Variants in DAPK1 observed in about 807,000 individuals in gnomAD.
DAPK1 encodes the protein death associated protein kinase 1, also known as death-associated protein kinase 1.
DAPK1 carries 56 observed loss-of-function variants against 144.9 expected under a neutral mutation model. The observed-to-expected ratio is 0.39, with a 90% CI of 0.31 to 0.48. The LOEUF (loss-of-function observed/expected upper bound fraction) is 0.48, where lower values mean the gene tolerates loss of function less well. DAPK1 is among the 20% of genes least tolerant of loss of function. The pLI, the probability that DAPK1 is intolerant of heterozygous loss-of-function variation, is 0.95. For synonymous variants in DAPK1, 690 were observed against 749.0 expected, an observed-to-expected ratio of 0.92 and a Z score of 1.29; for missense variants, 1,454 against 1,875.4, an observed-to-expected ratio of 0.78 and a Z score of 4.15.
intron 14 of DAPK1, chr9:87,648,432 C>G (rs1830338385): frequency 4.7e-6 from 1 of 211,756 alleles, no homozygotes; most frequent in Admixed American, 5.8e-5. Context: ...AATGATGAAC[C>G]CAATAGTAAA....
At chr9:87,636,727 G>A (rs142413088) in intron 3 of DAPK1, among the ~76,000 whole-genome samples, 19 of 152,274 alleles carry the variant, frequency 1.2e-4, no homozygotes, top group African/African-American at 4.6e-4. Flanking sequence ...TTTGGGGAGC[G>A]CTCTTGCCCT....
In DAPK1 at chr9:87,630,207, T is replaced by A. The variant is rs577435786; in HGVS notation, c.285-7736T>A. ...ATTAAAGCCTAAGGTTCTGGGGAGA[T>A]TTGTTACATGGCAATAGATAACTGC... On this transcript the variant is annotated intron_variant, in intron 3 of 25. Coordinates refer to ENST00000408954, the MANE Select transcript of DAPK1 (RefSeq NM_004938.4). Among the ~76,000 whole-genome samples, 20 of 152,326 alleles carry A rather than the reference T, an allele frequency of 1.3e-4. No homozygotes were observed. In the South Asian group the frequency reaches 4.1e-3, roughly 32 times the overall value.
At chr9:87,499,164 C>T (rs754530900) in intron 2 of DAPK1, 25 bp downstream of exon 2, 2 of 1,602,728 alleles carry the variant, frequency 1.2e-6, no homozygotes, top group Admixed American at 1.7e-5. Flanking sequence ...AGAAGCGTAC[C>T]CTCCTGGATT....
At chr9:87,576,704 C>T (rs1021022368) in intron 2 of DAPK1, among the ~76,000 whole-genome samples, 2 of 152,040 alleles carry the variant, frequency 1.3e-5, no homozygotes, top group African/African-American at 4.8e-5. Context: ...ATTACAGGCA[C>T]CCGCCACTGC....
intron 18 of DAPK1, among the ~76,000 whole-genome samples, chr9:87,663,160 C>G (rs1830924737): frequency 2.0e-5 from 3 of 152,094 alleles, no homozygotes; most frequent in Admixed American, 2.0e-4. Context: ...CCTTGCCTCC[C>G]CTACTCCTGC....
At chr9:87,635,321 G>C (rs3095754) in intron 3 of DAPK1, among the ~76,000 whole-genome samples, 62,812 of 151,866 alleles carry the variant, frequency 0.41, 14,663 homozygotes, top group South Asian at 0.54. Flanking sequence ...ACCCCAACCA[G>C]GCAGCCAAAC....
At chr9:87,637,659 A>G (rs754894359) in intron 3 of DAPK1, among the ~76,000 whole-genome samples, 4 of 152,202 alleles carry the variant, frequency 2.6e-5, no homozygotes, top group Non-Finnish European at 4.4e-5. Context: ...AATGTTTTCA[A>G]GATACACTGA....
chr9:87,613,787 T>C (rs1237953512), intron 3 of DAPK1, among the ~76,000 whole-genome samples: 1 of 152,176 alleles, frequency 6.6e-6, no homozygotes, highest in Non-Finnish European at 1.5e-5. Flanking sequence ...TGTCTCTGCT[T>C]CTCTCTGGGC....
At chr9:87,605,498 A>G (rs1432505209) in intron 3 of DAPK1, among the ~76,000 whole-genome samples, 2 of 151,896 alleles carry the variant, frequency 1.3e-5, no homozygotes, top group South Asian at 2.1e-4. Context: ...AGCTTCAAGC[A>G]TATGTCCTTC....
At chr9:87,590,186 T>G (rs1208797061) in intron 2 of DAPK1, among the ~76,000 whole-genome samples, 1 of 152,104 alleles carries the variant, frequency 6.6e-6, no homozygotes, top group Admixed American at 6.5e-5. Context: ...TGCCTATGAT[T>G]GCCAGCAATG....
intron 19 of DAPK1, among the ~76,000 whole-genome samples, chr9:87,679,762 T>G (rs1824537343): frequency 6.6e-6 from 1 of 152,106 alleles, no homozygotes; most frequent in East Asian, 1.9e-4. Flanking sequence ...GCCTCCTGCT[T>G]CTCCATATCA....
At chr9:87,570,517 T>C (rs1827291687) in intron 2 of DAPK1, among the ~76,000 whole-genome samples, 1 of 152,156 alleles carries the variant, frequency 6.6e-6, no homozygotes, top group Non-Finnish European at 1.5e-5. Flanking sequence ...TTCTTTTCAT[T>C]ATTTTGTATG....
chr9:87,666,427 C>T (rs1175873262), intron 18 of DAPK1, among the ~76,000 whole-genome samples: 1 of 151,674 alleles, frequency 6.6e-6, no homozygotes, highest in Non-Finnish European at 1.5e-5. Flanking sequence ...AAGTGCAGTG[C>T]AAATGTGAGG....
intron 2 of DAPK1, among the ~76,000 whole-genome samples, chr9:87,552,736 C>T (rs1826541723): frequency 6.7e-6 from 1 of 150,078 alleles, no homozygotes; most frequent in African/African-American, 2.5e-5. Context: ...GGACTATAGA[C>T]ATGCCCCACT....
chr9:87,562,931 A>G (rs1376007841), intron 2 of DAPK1, among the ~76,000 whole-genome samples: 1 of 152,208 alleles, frequency 6.6e-6, no homozygotes, highest in African/African-American at 2.4e-5. Flanking sequence ...TTTTTTATAG[A>G]ACCTCAAACA....
chr9:87,681,408 C>T lies in DAPK1; in HGVS notation c.2006C>T (p.Thr669Met), dbSNP rs766522855. Residue 669 changes from threonine to methionine, a missense_variant, in exon 20 of 26, where the codon ACG (threonine) becomes ATG (methionine). Around this residue, in one of 2 missense-constraint regions of DAPK1, gnomAD observed 1,025 missense variants for 1,237.9 expected, o/e 0.83. Transcript: ENST00000408954. ...CTCTTTCTCATCCATGCTCAGGATA[C>T]GCACCGAGGACTCTTCATCCAGCAG... Reference protein sequence around the residue: ...AGLLARLRKDTHRGLFIQQLR... With the variant: ...AGLLARLRKDMHRGLFIQQLR... The T allele has an allele frequency of 5.1e-6, 8 of 1,579,350 alleles. No individual in the cohort carries two copies. The East Asian group carries it at 8.9e-5, about 18-fold the overall frequency.
chr9:87,643,485 G>A lies in DAPK1; in HGVS notation c.1011+17G>A, dbSNP rs36212375. ...GATACTCTGGTAAGCAAACCCGTGA[G>A]CCCTGGTGCTCCTTTCTTAGCACTG... On this transcript the variant is annotated intron_variant, in intron 11 of 25. Coordinates refer to ENST00000408954, the MANE Select transcript of DAPK1 (RefSeq NM_004938.4). The A allele has an allele frequency of 3.2e-3, 4,786 of 1,480,632 alleles. 119 individuals are homozygous for A. In the African/African-American group the frequency reaches 0.059, roughly 18 times the overall value. 91.7% of individuals were successfully genotyped at this position (1,480,632 alleles called of 1,614,324 possible).
chr9:87,556,661 G>T (rs1468532690), intron 2 of DAPK1, among the ~76,000 whole-genome samples: 3 of 152,184 alleles, frequency 2.0e-5, no homozygotes, highest in African/African-American at 4.8e-5. Context: ...TCTGAAAGGT[G>T]AGGTCTTTCA....
chr9:87,681,359 G>A (rs775144349), intron 19 of DAPK1, 45 bp from the exon 20 acceptor site: 16 of 975,320 alleles, frequency 1.6e-5, no homozygotes, highest in Non-Finnish European at 2.6e-5. Context: ...ATCATTATTT[G>A]CCTCTTTTTC....
Sources: allele counts gnomAD v4.1 joint callset (sites outside exome capture counted in the v4.1 genomes callset), GRCh38; gene constraint gnomAD v4.1.1; regional missense constraint gnomAD v4.1.1; transcripts MANE v1.5; gene names NCBI Gene and HGNC (gene_info 2026-07-23, HGNC 2026-07-21).